The following MAST4 variants were observed in gnomAD, a reference collection of about 807,000 sequenced individuals.
MAST4 encodes microtubule associated serine/threonine kinase family member 4, also known as microtubule-associated serine/threonine-protein kinase 4.
In MAST4, 89 loss-of-function variants were observed where a neutral mutation model predicts 162.7. The observed-to-expected ratio is 0.55, with a 90% CI of 0.46 to 0.65. The LOEUF is 0.65. Ranked by LOEUF, MAST4 falls within the 30% of genes least tolerant of loss-of-function variation. MAST4 has a pLI of 0.00. For missense variants in MAST4, 3,153 were observed against 3,374.0 expected, an observed-to-expected ratio of 0.93 and a Z score of 1.62; for synonymous variants, 1,479 against 1,361.1, an observed-to-expected ratio of 1.09 and a Z score of -1.91.
At chr5:66,959,494 G>A (rs994573632) in intron 4 of MAST4, among the ~76,000 whole-genome samples, 3 of 152,192 alleles carry the variant, frequency 2.0e-5, no homozygotes, top group Non-Finnish European at 4.4e-5. Flanking sequence ...GCAGTCAGAG[G>A]AAAAGCATTG....
chr5:66,894,879 C>T (rs1302835473), intron 3 of MAST4, among the ~76,000 whole-genome samples: 1 of 152,054 alleles, frequency 6.6e-6, no homozygotes, highest in African/African-American at 2.4e-5. Context: ...GCCAATATTC[C>T]TTTTTCCTGC....
chr5:66,844,195 G>C (rs1238003420), intron 3 of MAST4, among the ~76,000 whole-genome samples: 2 of 131,578 alleles, frequency 1.5e-5, no homozygotes, highest in East Asian at 4.4e-4. Flanking sequence ...GTGTGTGTGT[G>C]TGTTGGGGCG....
At chr5:66,698,655 A>G (rs1293058008) in intron 1 of MAST4, among the ~76,000 whole-genome samples, 2 of 152,146 alleles carry the variant, frequency 1.3e-5, no homozygotes, top group Non-Finnish European at 2.9e-5. Flanking sequence ...CAGGAACTCC[A>G]TATTTATGAT....
At position 67,163,714 on chromosome 5, in the gene MAST4, G is replaced by A. The variant is rs1210131163; in HGVS notation, c.4535G>A (p.Arg1512His). Residue 1512 changes from arginine to histidine, a missense_variant, in exon 29 of 29, where the codon CGC (arginine) becomes CAC (histidine). By Grantham distance (29) the Arg-to-His change is conservative (BLOSUM62 0). Around this residue, in one of 7 missense-constraint regions of MAST4, gnomAD observed 1,644 missense variants for 1,495.0 expected, o/e 1.10. Coordinates refer to ENST00000403625, the MANE Select transcript of MAST4 (RefSeq NM_001164664.2). The surrounding 1 kb of genome is among the most constrained non-coding windows in gnomAD (Gnocchi z 7.0). ...ARPVEQGCLK[R>H]PVSRKVGRQE... ...CCAGTGGAGCAAGGCTGCCTGAAAC[G>A]CCCAGTCTCCCGGAAGGTGGGCCGC... 2 of 1,608,724 alleles carry A rather than the reference G, an allele frequency of 1.2e-6. No homozygotes were observed. Among genetic ancestry groups the A allele is most frequent in the Non-Finnish European group, 1.7e-6 (2 of 1,177,986 alleles).
intron 4 of MAST4, among the ~76,000 whole-genome samples, chr5:66,991,476 C>T (rs1239774253): frequency 1.3e-5 from 2 of 152,110 alleles, no homozygotes; most frequent in Admixed American, 6.5e-5. Context: ...CCAGTGTTCT[C>T]CATTATGTGC....
chr5:67,147,945 G>A (rs1218652672), intron 23 of MAST4, among the ~76,000 whole-genome samples: 1 of 152,208 alleles, frequency 6.6e-6, no homozygotes, highest in Non-Finnish European at 1.5e-5. Context: ...AGTGTGCTAT[G>A]ACTAAAGCTG....
At chr5:66,995,201 CAT>C in intron 4 of MAST4, among the ~76,000 whole-genome samples, 1 of 152,224 alleles carries the variant, frequency 6.6e-6, no homozygotes, top group South Asian at 2.1e-4. Flanking sequence ...TTCCAAGACT[CAT>C]AGAGCTTTTA....
At chr5:66,605,016 G>A (rs1303182944) in intron 1 of MAST4, among the ~76,000 whole-genome samples, 2 of 152,216 alleles carry the variant, frequency 1.3e-5, no homozygotes, top group Admixed American at 6.5e-5. Context: ...ATGAAGTTGT[G>A]ATGAAATCTA....
chr5:66,690,537 T>A (rs1330577631), intron 1 of MAST4, among the ~76,000 whole-genome samples: 1 of 152,232 alleles, frequency 6.6e-6, no homozygotes. Flanking sequence ...AACTCCCTTT[T>A]CTTCAAATAC....
At chr5:66,980,892 G>A (rs559522350) in intron 4 of MAST4, among the ~76,000 whole-genome samples, 97 of 152,308 alleles carry the variant, frequency 6.4e-4, no homozygotes, top group African/African-American at 2.2e-3. Context: ...TGCTTCTGAC[G>A]TTGGCAAAGA....
rs1247323292 is a variant in MAST4 at position 66,643,712 on chromosome 5, ACTC to A, written c.363+46698_363+46700del. Among the ~76,000 whole-genome samples, 5 of 150,732 alleles carry A rather than the reference ACTC, an allele frequency of 3.3e-5. No homozygotes were observed. In the East Asian group the frequency reaches 7.8e-4, roughly 24 times the overall value. On this transcript the variant is annotated intron_variant, in intron 1 of 28. Transcript: ENST00000403625. ...GAATTTCTTTTTTTTTAAACATCAT[ACTC>A]CTCTTGGTTCAATCTACCTCTGAAA...
At chr5:66,998,524 A>C (rs897422665) in intron 4 of MAST4, among the ~76,000 whole-genome samples, 1 of 152,230 alleles carries the variant, frequency 6.6e-6, no homozygotes, top group African/African-American at 2.4e-5. Flanking sequence ...ATGAAACTGA[A>C]ATTGAAATAG....
At chr5:66,844,157 G>A (rs1466184673) in intron 3 of MAST4, among the ~76,000 whole-genome samples, 1 of 130,996 alleles carries the variant, frequency 7.6e-6, no homozygotes, top group Non-Finnish European at 1.8e-5. Flanking sequence ...GTGTGTGTGT[G>A]TGTGTGTGTG....
At chr5:67,040,946 T>C (rs1193463268) in intron 4 of MAST4, among the ~76,000 whole-genome samples, 1 of 152,244 alleles carries the variant, frequency 6.6e-6, no homozygotes, top group Non-Finnish European at 1.5e-5. Flanking sequence ...ACTGAACTTC[T>C]CAGTTCTTCA....
intron 3 of MAST4, among the ~76,000 whole-genome samples, chr5:66,879,458 A>T (rs1761545210): frequency 6.6e-6 from 1 of 152,130 alleles, no homozygotes; most frequent in African/African-American, 2.4e-5. Context: ...GAAATCTAAA[A>T]CTAAAAGTAT....
At chr5:66,780,334 C>A (rs146564227) in intron 2 of MAST4, among the ~76,000 whole-genome samples, 5 of 151,970 alleles carry the variant, frequency 3.3e-5, no homozygotes, top group Non-Finnish European at 4.4e-5. Context: ...GAATTGGTTC[C>A]TTCTGGTGGG....
intron 4 of MAST4, among the ~76,000 whole-genome samples, chr5:66,981,727 T>C (rs1166446032): frequency 6.6e-6 from 1 of 152,196 alleles, no homozygotes; most frequent in Non-Finnish European, 1.5e-5. Flanking sequence ...TTTTGCCCCA[T>C]TTAAATTTGA....
intron 4 of MAST4, among the ~76,000 whole-genome samples, chr5:67,015,429 T>A (rs1753167444): frequency 6.6e-6 from 1 of 152,194 alleles, no homozygotes; most frequent in South Asian, 2.1e-4. Flanking sequence ...CTAACATGTT[T>A]GGAGGGGATT....
At chr5:66,864,318 G>T (rs1760331458) in intron 3 of MAST4, among the ~76,000 whole-genome samples, 1 of 152,184 alleles carries the variant, frequency 6.6e-6, no homozygotes, top group Admixed American at 6.5e-5. Context: ...ATGTTTTCCA[G>T]TGAAGGGAAT....
Sources: allele counts gnomAD v4.1 joint callset (sites outside exome capture counted in the v4.1 genomes callset), GRCh38; gene constraint gnomAD v4.1.1; regional missense constraint gnomAD v4.1.1; non-coding constraint Gnocchi (gnomAD v3.1); transcripts MANE v1.5; gene names NCBI Gene and HGNC (gene_info 2026-07-23, HGNC 2026-07-21).